CNTN6: variants seen among roughly 807,000 people sequenced by gnomAD.
The protein encoded by CNTN6 is contactin-6.
Under a neutral mutation model 122.8 loss-of-function variants are expected in CNTN6, and 137 were observed. That is an observed-to-expected ratio of 1.12 (90% CI 0.97 to 1.29). The LOEUF (loss-of-function observed/expected upper bound fraction) is 1.29, where lower values mean the gene tolerates loss of function less well. CNTN6 is among the 50% of genes most tolerant of loss of function. The pLI, the probability that CNTN6 is intolerant of heterozygous loss-of-function variation, is 0.00. For missense variants in CNTN6, 1,634 were observed against 1,223.4 expected (o/e 1.34, Z -5.01); for synonymous variants, 570 against 426.0 (o/e 1.34, Z -4.16).
chr3:1,332,937 C>G (rs265768), intron 11 of CNTN6, among the ~76,000 whole-genome samples: 1,845 of 152,130 alleles, frequency 0.012, 40 homozygotes, highest in African/African-American at 0.043. Context: ...CTACATTTAG[C>G]TTTCAAATTG....
chr3:1,139,387 A>C (rs1488091105), intron 1 of CNTN6, among the ~76,000 whole-genome samples: 1 of 152,152 alleles, frequency 6.6e-6, no homozygotes, highest in Admixed American at 6.6e-5. Context: ...TTGCTTCAGG[A>C]AATTCTTGCT....
intron 5 of CNTN6, among the ~76,000 whole-genome samples, chr3:1,289,668 T>G (rs942410759): frequency 2.9e-5 from 3 of 103,190 alleles, no homozygotes; most frequent in African/African-American, 9.0e-5. Context: ...TTTGTTTTGT[T>G]TTTTTGGGTT....
chr3:1,323,913 A>C lies in CNTN6; in HGVS notation c.947-1902A>C, dbSNP rs1195725207. On this transcript the variant is annotated intron_variant, in intron 8 of 22. Coordinates refer to ENST00000446702, the MANE Select transcript of CNTN6 (RefSeq NM_001289080.2). ...TAAATAAATGTGTTCTGTAGCCGCAATTATTGCATTAAGCATAAAATCAGA... is the reference window on the plus strand; with the variant it reads ...TAAATAAATGTGTTCTGTAGCCGCACTTATTGCATTAAGCATAAAATCAGA... 1.4e-5 allele frequency among the ~76,000 whole-genome samples: 2 copies of C among 139,702 alleles called. 1 individual carries two copies. The highest frequency in any genetic ancestry group is 6.6e-5 in the African/African-American group (2 of 30,106). 91.6% of individuals were successfully genotyped at this position (139,702 alleles called of 152,430 possible).
chr3:1,375,950 GA>G (rs1709795436), intron 16 of CNTN6, among the ~76,000 whole-genome samples: 1 of 151,940 alleles, frequency 6.6e-6, no homozygotes, highest in South Asian at 2.1e-4. Flanking sequence ...ATATGGTGGG[GA>G]AAAATTTGAA....
chr3:1,389,217 G>T (rs1008351306), intron 20 of CNTN6, among the ~76,000 whole-genome samples: 1 of 151,262 alleles, frequency 6.6e-6, no homozygotes, highest in South Asian at 2.1e-4. Context: ...CAGATCTCTC[G>T]GCAGAATCTC....
At position 1,372,318 on chromosome 3, in the gene CNTN6, C is replaced by G. The variant is rs753581579; in HGVS notation, c.1512C>G (p.Val504=). ...LIVKERTVIT[V]PPSKMDVTVG... ...CAACAGAGAGAACTGTCATTACCGTCCCACCTTCCAAAATGGATGTTACAG... is the reference window on the plus strand; with the variant it reads ...CAACAGAGAGAACTGTCATTACCGTGCCACCTTCCAAAATGGATGTTACAG... Residue 504 remains valine (V), a synonymous_variant, in exon 13 of 23, where the codon GTC becomes GTG. Coordinates refer to ENST00000446702, the MANE Select transcript of CNTN6 (RefSeq NM_001289080.2). The G allele has an allele frequency of 2.5e-6, 4 of 1,609,338 alleles. No individual in the cohort carries two copies. The highest frequency in any genetic ancestry group is 1.7e-4 in the Middle Eastern group (1 of 6,030).
Position 1,280,717 on chromosome 3 carries a change from G to A in CNTN6, c.454+2209G>A, listed in dbSNP as rs976410446. ...TAACCTCAGGTGATCTGCCCACCTC[G>A]GCCTCCCAAAGTGCTGGGATTACAG... On this transcript the variant is annotated intron_variant, in intron 5 of 22. Transcript: ENST00000446702. 2.0e-5 allele frequency among the ~76,000 whole-genome samples: 3 copies of A among 151,848 alleles called. 1 individual carries two copies. In the South Asian group the frequency reaches 6.3e-4, roughly 32 times the overall value.
At chr3:1,205,890 C>T (rs192797763) in intron 2 of CNTN6, among the ~76,000 whole-genome samples, 1 of 152,018 alleles carries the variant, frequency 6.6e-6, no homozygotes, top group Admixed American at 6.6e-5. Context: ...CAAAAGCAAA[C>T]AAGCAAAAAG....
At chr3:1,278,825 G>A (rs1411761587) in intron 5 of CNTN6, among the ~76,000 whole-genome samples, 1 of 151,846 alleles carries the variant, frequency 6.6e-6, no homozygotes, top group Admixed American at 6.6e-5. Context: ...CATGACAAGG[G>A]GACAATTTAT....
intron 1 of CNTN6, among the ~76,000 whole-genome samples, chr3:1,122,862 C>G (rs1464605127): frequency 6.6e-6 from 1 of 151,786 alleles, no homozygotes; most frequent in Non-Finnish European, 1.5e-5. Context: ...TGGGCTGTTT[C>G]CACCATTTGG....
intron 17 of CNTN6, among the ~76,000 whole-genome samples, chr3:1,378,381 T>C (rs1380539646): frequency 6.6e-6 from 1 of 152,194 alleles, no homozygotes; most frequent in Non-Finnish European, 1.5e-5. Context: ...AGCTAGGCTA[T>C]GAGAGATAAC....
At chr3:1,248,880 G>A (rs925224526) in intron 4 of CNTN6, among the ~76,000 whole-genome samples, 9 of 152,038 alleles carry the variant, frequency 5.9e-5, no homozygotes, top group Non-Finnish European at 1.2e-4. Flanking sequence ...TAAATAAATA[G>A]TGAAGCTAGG....
chr3:1,157,180 C>A (rs1365922205), intron 2 of CNTN6, among the ~76,000 whole-genome samples: 3 of 143,414 alleles, frequency 2.1e-5, no homozygotes, highest in Non-Finnish European at 4.5e-5. Context: ...CACAAACAAT[C>A]TAATTATACT....
chr3:1,094,954 T>A (rs1331343612), intron 1 of CNTN6, among the ~76,000 whole-genome samples: 1 of 152,080 alleles, frequency 6.6e-6, no homozygotes, highest in African/African-American at 2.4e-5. Context: ...ACATAAAAGT[T>A]CAAAAGGGAA....
chr3:1,382,460 T>A (rs1313768590), intron 17 of CNTN6, among the ~76,000 whole-genome samples: 1 of 152,226 alleles, frequency 6.6e-6, no homozygotes, highest in Non-Finnish European at 1.5e-5. Flanking sequence ...TATACTTTTT[T>A]AAAGAAATAT....
chr3:1,263,494 A>T (rs1191520308), intron 4 of CNTN6, among the ~76,000 whole-genome samples: 2 of 152,128 alleles, frequency 1.3e-5, no homozygotes, highest in East Asian at 3.9e-4. Flanking sequence ...AAGCGAGTTC[A>T]TTCGGGGCCG....
chr3:1,253,777 G>T (rs903723912), intron 4 of CNTN6, among the ~76,000 whole-genome samples: 10 of 152,094 alleles, frequency 6.6e-5, no homozygotes, highest in African/African-American at 2.4e-4. Flanking sequence ...TCTCTCACCT[G>T]CCACTCACCT....
At chr3:1,178,814 C>T (rs2093501453) in intron 2 of CNTN6, among the ~76,000 whole-genome samples, 1 of 152,148 alleles carries the variant, frequency 6.6e-6, no homozygotes, top group African/African-American at 2.4e-5. Context: ...CTTCCACTTC[C>T]TTTGGTTATA....
chr3:1,304,927 G>T (rs532981155), intron 7 of CNTN6, among the ~76,000 whole-genome samples: 1 of 146,554 alleles, frequency 6.8e-6, no homozygotes, highest in Non-Finnish European at 1.5e-5. Flanking sequence ...GAGGGTGGAA[G>T]TTGCAGTGAG....
Sources: allele counts gnomAD v4.1 joint callset (sites outside exome capture counted in the v4.1 genomes callset), GRCh38; gene constraint gnomAD v4.1.1; transcripts MANE v1.5; gene names NCBI Gene and HGNC (gene_info 2026-07-23, HGNC 2026-07-21).